Variants in PBX4 observed in about 807,000 individuals in gnomAD.
The protein encoded by PBX4 is pre-B-cell leukemia transcription factor 4.
In PBX4, 26 loss-of-function variants were observed where a neutral mutation model predicts 35.1. The ratio of observed to expected loss-of-function variants is 0.74; its 90% CI spans 0.54 to 1.03. PBX4 has a LOEUF of 1.03. Ranked by LOEUF, PBX4 falls within the 50% of genes least tolerant of loss-of-function variation. The pLI, the probability that PBX4 is intolerant of heterozygous loss-of-function variation, is 0.00. For missense variants in PBX4, 448 were observed against 504.3 expected, an observed-to-expected ratio of 0.89 and a Z score of 1.07; for synonymous variants, 199 against 204.2, an observed-to-expected ratio of 0.97 and a Z score of 0.22.
chr19:19,600,712 G>A (rs895499685), intron 1 of PBX4, among the ~76,000 whole-genome samples: 4 of 151,530 alleles, frequency 2.6e-5, no homozygotes, highest in Non-Finnish European at 5.9e-5. Flanking sequence ...AGCTACTCGG[G>A]AGGCTGACAC....
chr19:19,616,240 G>A (rs1469400649), intron 1 of PBX4, among the ~76,000 whole-genome samples: 2 of 152,268 alleles, frequency 1.3e-5, no homozygotes, highest in African/African-American at 2.4e-5. Flanking sequence ...AAACGGGATG[G>A]GAGGTCTAAA....
intron 2 of PBX4, among the ~76,000 whole-genome samples, chr19:19,583,751 G>T (rs1484281985): frequency 6.6e-6 from 1 of 152,068 alleles, no homozygotes; most frequent in Non-Finnish European, 1.5e-5. Flanking sequence ...AGGAGTTCCA[G>T]ACCAGCCTGG....
chr19:19,587,592 T>TAAAAA (rs34647983), intron 2 of PBX4, among the ~76,000 whole-genome samples: 1 of 90,680 alleles, frequency 1.1e-5, no homozygotes, highest in African/African-American at 4.3e-5. Context: ...CGTCTCAAAT[T>TAAAAA]AAAAAAAAAA....
chr19:19,600,820 AAAAAAAAAAAAAAAGAAAG>A (rs1293897182), intron 1 of PBX4, among the ~76,000 whole-genome samples: 17 of 150,256 alleles, frequency 1.1e-4, no homozygotes, highest in Non-Finnish European at 1.9e-4. Context: ...CCATCTCAAA[AAAAAAAAAAAAAAAGAAAG>A]AAAAAAAAAG....
intron 1 of PBX4, 61 bp from the exon 2 acceptor site, chr19:19,599,426 A>T (rs2061582790): frequency 7.0e-7 from 1 of 1,419,230 alleles, no homozygotes; most frequent in Admixed American, 1.7e-5. Context: ...TGTCCCCAAG[A>T]GTAAAGATCT....
chr19:19,577,797 TGCAGTGA>T (rs1319546138), intron 2 of PBX4, among the ~76,000 whole-genome samples: 2 of 151,676 alleles, frequency 1.3e-5, no homozygotes, highest in African/African-American at 4.8e-5. Context: ...AGGCAGAGGT[TGCAGTGA>T]GCTGAGATCG....
intron 1 of PBX4, among the ~76,000 whole-genome samples, chr19:19,617,730 C>T (rs921057850): frequency 1.3e-5 from 2 of 152,120 alleles, no homozygotes; most frequent in African/African-American, 4.8e-5. Flanking sequence ...CTTCCATCTC[C>T]ACCCACTCCT....
rs2061311877 is a variant in PBX4, at chr19:19,562,256, G to A, written c.1033-139C>T. On this transcript the variant is annotated intron_variant, in intron 7 of 7. Coordinates refer to ENST00000251203, the MANE Select transcript of PBX4 (RefSeq NM_025245.3). This position sits in a 1 kb window ranked among gnomAD's most constrained non-coding sequence, Gnocchi z 4.8. The stretch of plus-strand genomic sequence containing the variant: ...CACAGATGACCTCCAGCTCAGTGGA[G>A]GAGGGAAGGGATGGAGGGGTCGGTC... 1 of 606,776 alleles carries A rather than the reference G, an allele frequency of 1.6e-6. No individual in the cohort carries two copies. The highest frequency in any genetic ancestry group is 2.8e-6 in the Non-Finnish European group (1 of 354,312). 37.6% of individuals were successfully genotyped at this position (606,776 alleles called of 1,614,324 possible).
chr19:19,582,220 G>C (rs1444720486), intron 2 of PBX4, among the ~76,000 whole-genome samples: 4 of 152,206 alleles, frequency 2.6e-5, no homozygotes, highest in Non-Finnish European at 4.4e-5. Flanking sequence ...GAAGTGCTGG[G>C]TAGAGAAGGG....
chr19:19,602,201 G>C (rs1187641697), intron 1 of PBX4, among the ~76,000 whole-genome samples: 1 of 152,092 alleles, frequency 6.6e-6, no homozygotes, highest in Non-Finnish European at 1.5e-5. Context: ...GGGAGGCTGA[G>C]GTGGGAGGAC....
intron 5 of PBX4, among the ~76,000 whole-genome samples, chr19:19,568,416 A>G (rs2061358096): frequency 6.7e-6 from 1 of 149,278 alleles, no homozygotes; most frequent in African/African-American, 2.5e-5. Context: ...TGTATCCCTC[A>G]GGGAGCTCAC....
chr19:19,590,326 T>G (rs2061519048), intron 2 of PBX4, among the ~76,000 whole-genome samples: 2 of 152,088 alleles, frequency 1.3e-5, no homozygotes, highest in South Asian at 4.2e-4. Context: ...GCATGTGATG[T>G]GACACTTCAC....
chr19:19,610,945 C>A (rs1023459669), intron 1 of PBX4, among the ~76,000 whole-genome samples: 1 of 152,102 alleles, frequency 6.6e-6, no homozygotes, highest in African/African-American at 2.4e-5. Flanking sequence ...AATATGAAAT[C>A]CTACTTCCCA....
chr19:19,570,420 G>A (rs2061374790), intron 3 of PBX4, 121 bp from the exon 4 acceptor site: 4 of 1,432,766 alleles, frequency 2.8e-6, no homozygotes, highest in Non-Finnish European at 2.8e-6. Context: ...GCGGGTGACT[G>A]TTAAGTAAAT....
intron 2 of PBX4, among the ~76,000 whole-genome samples, chr19:19,580,661 T>G (rs2061448470): frequency 6.6e-6 from 1 of 152,214 alleles, no homozygotes; most frequent in Non-Finnish European, 1.5e-5. Flanking sequence ...AGTGAGAGTG[T>G]TTCCTCCCTA....
At chr19:19,600,874 A>G (rs146891275) in intron 1 of PBX4, among the ~76,000 whole-genome samples, 2,251 of 152,182 alleles carry the variant, frequency 0.015, 77 homozygotes, top group South Asian at 0.076. Flanking sequence ...AAGGTCCAAC[A>G]ACTTGAAATC....
Position 19,563,989 on chromosome 19 carries a change from CT to C in PBX4, c.926-375del, listed in dbSNP as rs890639024. 8.7e-4 allele frequency among the ~76,000 whole-genome samples: 132 copies of C among 151,398 alleles called. No individual in the cohort carries two copies. The highest frequency in any genetic ancestry group is 1.6e-3 in the Non-Finnish European group (108 of 67,758). On this transcript the variant is annotated intron_variant, in intron 6 of 7. Coordinates refer to ENST00000251203, the MANE Select transcript of PBX4 (RefSeq NM_025245.3). This position sits in a 1 kb window ranked among gnomAD's most constrained non-coding sequence, Gnocchi z 5.1. ...CGCCCAGATAATTTGTTTTTTCTTT[CT>C]TTTTTTTTATTATTATTATACTTTA...
chr19:19,588,322 A>G (rs2061503628), intron 2 of PBX4: 2 of 1,116,190 alleles, frequency 1.8e-6, no homozygotes, highest in Admixed American at 3.4e-5. Context: ...GGAGTCACAG[A>G]TAACACATTT....
intron 2 of PBX4, among the ~76,000 whole-genome samples, chr19:19,573,305 C>A: frequency 7.5e-6 from 1 of 134,154 alleles, no homozygotes; most frequent in African/African-American, 2.8e-5. Flanking sequence ...AACTCCATCT[C>A]CAAAAAAAAG....
Sources: allele counts gnomAD v4.1 joint callset (sites outside exome capture counted in the v4.1 genomes callset), GRCh38; gene constraint gnomAD v4.1.1; non-coding constraint Gnocchi (gnomAD v3.1); transcripts MANE v1.5; gene names NCBI Gene and HGNC (gene_info 2026-07-23, HGNC 2026-07-21).